The following LMBR1 variants were observed in gnomAD, a reference collection of about 807,000 sequenced individuals.
LMBR1 encodes limb development membrane protein 1, also known as limb region 1 protein homolog.
In LMBR1, 52 loss-of-function variants were observed where a neutral mutation model predicts 73.9. The observed-to-expected ratio is 0.70, with a 90% CI of 0.56 to 0.89. LMBR1 has a LOEUF of 0.89. Among genes scored for constraint, LMBR1 ranks in the 40% least tolerant of loss-of-function variants. The pLI is 0.00. For missense variants in LMBR1, 539 were observed against 579.8 expected, an observed-to-expected ratio of 0.93 and a Z score of 0.72; for synonymous variants, 215 against 209.4, an observed-to-expected ratio of 1.03 and a Z score of -0.23.
chr7:156,739,467 G>C (rs1312829043), intron 9 of LMBR1, among the ~76,000 whole-genome samples: 1 of 152,192 alleles, frequency 6.6e-6, no homozygotes, highest in Non-Finnish European at 1.5e-5. Flanking sequence ...TAGCCAAGCA[G>C]TGTTTACAGT....
intron 15 of LMBR1, among the ~76,000 whole-genome samples, chr7:156,700,013 T>C (rs1428667177): frequency 1.3e-5 from 2 of 152,162 alleles, no homozygotes; most frequent in Non-Finnish European, 2.9e-5. Context: ...GAACTAGAAA[T>C]ACCATTTGAC....
At chr7:156,812,324 A>G (rs1426546732) in intron 4 of LMBR1, among the ~76,000 whole-genome samples, 1 of 152,154 alleles carries the variant, frequency 6.6e-6, no homozygotes. Context: ...ACACAGAGAG[A>G]GAGAGAGAGA....
At chr7:156,800,477 C>A in intron 4 of LMBR1, among the ~76,000 whole-genome samples, 1 of 62,556 alleles carries the variant, frequency 1.6e-5, no homozygotes, top group Non-Finnish European at 2.9e-5. Context: ...TTAAGACTTG[C>A]TACTCAAAAA....
intron 9 of LMBR1, among the ~76,000 whole-genome samples, chr7:156,749,218 G>A (rs897798473): frequency 6.6e-6 from 1 of 152,208 alleles, no homozygotes; most frequent in African/African-American, 2.4e-5. Flanking sequence ...AGAATGCCTA[G>A]AGAAAGCCAA....
At chr7:156,674,671 C>T (rs937101256), downstream of LMBR1, among the ~76,000 whole-genome samples, 5 of 152,060 alleles carry the variant, frequency 3.3e-5, no homozygotes, top group African/African-American at 1.2e-4. Context: ...GAGATGCTGT[C>T]TCCACCAAAC....
In LMBR1 at chr7:156,747,215, G is replaced by A. The variant is rs916810162; in HGVS notation, c.757+9178C>T. Among the ~76,000 whole-genome samples, 3 of 152,016 alleles carry A rather than the reference G, an allele frequency of 2.0e-5. No homozygotes were observed. The East Asian group carries it at 5.8e-4, about 29-fold the overall frequency. ...AACACCTTTCATCTTTCTTACATAGGTAAGAATAACTTCAGAGCCAATAAC... is the reference window on the plus strand; with the variant it reads ...AACACCTTTCATCTTTCTTACATAGATAAGAATAACTTCAGAGCCAATAAC... On this transcript the variant is annotated intron_variant, in intron 9 of 16. Coordinates refer to ENST00000353442, the MANE Select transcript of LMBR1 (RefSeq NM_022458.4).
rs1804816716 is a variant in LMBR1 at position 156,680,391 on chromosome 7, A to AGAGAGC, written c.*3686_*3687insGCTCTC. The AGAGAGC allele has an allele frequency of 7.2e-6, 1 of 139,722 alleles. No individual in the cohort carries two copies. Among genetic ancestry groups the AGAGAGC allele is most frequent in the Non-Finnish European group, 1.5e-5 (1 of 65,254 alleles). The allele number at this position is 139,722 out of a possible 1,614,324, so 8.7% of individuals were successfully genotyped here. Reference sequence around the variant, plus strand: ...ATCTGAGAGACAGAGAGAGAGAGAGAGAGAGAGAGAGAGTGTGTGTGTGTG... The same window carrying AGAGAGC: ...ATCTGAGAGACAGAGAGAGAGAGAGAGAGAGCGAGAGAGAGAGAGTGTGTGTGTGTG... On this transcript the variant is annotated 3_prime_UTR_variant, in exon 17 of 17. Coordinates refer to ENST00000353442, the MANE Select transcript of LMBR1 (RefSeq NM_022458.4).
intron 4 of LMBR1, among the ~76,000 whole-genome samples, chr7:156,803,192 A>G (rs1585893106): frequency 6.6e-6 from 1 of 152,212 alleles, no homozygotes; most frequent in East Asian, 1.9e-4. Flanking sequence ...AGCAAAAGAA[A>G]CCACCATCAG....
chr7:156,835,413 G>A (rs1837435875), intron 2 of LMBR1, among the ~76,000 whole-genome samples: 1 of 151,976 alleles, frequency 6.6e-6, no homozygotes, highest in Non-Finnish European at 1.5e-5. Flanking sequence ...ATCCAGTCTT[G>A]GCCAGGCGCA....
intron 3 of LMBR1, among the ~76,000 whole-genome samples, chr7:156,828,136 C>T (rs1054802330): frequency 1.3e-5 from 2 of 152,182 alleles, no homozygotes; most frequent in Non-Finnish European, 2.9e-5. Context: ...CTCACCATTC[C>T]AGGTCCCACA....
At chr7:156,718,219 G>A (rs1813647138) in intron 15 of LMBR1, among the ~76,000 whole-genome samples, 1 of 151,918 alleles carries the variant, frequency 6.6e-6, no homozygotes, top group South Asian at 2.1e-4. Flanking sequence ...GGGCAATATG[G>A]CATAACCCCG....
chr7:156,805,155 T>C (rs764586246), intron 4 of LMBR1, among the ~76,000 whole-genome samples: 9 of 151,844 alleles, frequency 5.9e-5, no homozygotes, highest in Admixed American at 3.9e-4. Flanking sequence ...TGTATGTATC[T>C]AATCCTGGAC....
At chr7:156,885,351 T>C (rs1174606393) in intron 1 of LMBR1, among the ~76,000 whole-genome samples, 1 of 141,222 alleles carries the variant, frequency 7.1e-6, no homozygotes, top group Non-Finnish European at 1.5e-5. Context: ...AGACTCCGTG[T>C]AAAAGAAAAA....
intron 1 of LMBR1, among the ~76,000 whole-genome samples, chr7:156,846,428 T>A (rs1795489618): frequency 6.6e-6 from 1 of 152,162 alleles, no homozygotes; most frequent in Admixed American, 6.6e-5. Context: ...TACATAAATG[T>A]AAAACACTAT....
chr7:156,740,907 T>C (rs891362251), intron 9 of LMBR1, among the ~76,000 whole-genome samples: 4 of 152,176 alleles, frequency 2.6e-5, no homozygotes, highest in Non-Finnish European at 1.5e-5. Flanking sequence ...AGTAGAAAGA[T>C]TAAATGACGA....
intron 5 of LMBR1, among the ~76,000 whole-genome samples, chr7:156,775,293 GGGA>G (rs1397903802): frequency 6.6e-6 from 1 of 152,118 alleles, no homozygotes; most frequent in Non-Finnish European, 1.5e-5. Flanking sequence ...ACTTGAACCT[GGGA>G]GGAGGAGGTT....
rs574697486 is a variant in LMBR1 at position 156,888,342 on chromosome 7, G to A, written c.66+4586C>T. On this transcript the variant is annotated intron_variant, in intron 1 of 16. Coordinates refer to ENST00000353442, the MANE Select transcript of LMBR1 (RefSeq NM_022458.4). The stretch of plus-strand genomic sequence containing the variant: ...GGAGAATGGCATGAACCGGGGGGGC[G>A]GAGCTTGCAGTGAGCCGAGATTGAG... 3.1e-4 allele frequency among the ~76,000 whole-genome samples: 47 copies of A among 151,112 alleles called. No homozygotes were observed. The South Asian group carries it at 6.1e-3, about 20-fold the overall frequency.
chr7:156,741,435 G>A (rs1192511638), intron 9 of LMBR1, among the ~76,000 whole-genome samples: 3 of 152,094 alleles, frequency 2.0e-5, no homozygotes, highest in Middle Eastern at 3.2e-3. Context: ...GATACGAATA[G>A]ATTGAAAATA....
intron 9 of LMBR1, among the ~76,000 whole-genome samples, chr7:156,735,247 G>C (rs902336592): frequency 6.6e-6 from 1 of 152,124 alleles, no homozygotes; most frequent in African/African-American, 2.4e-5. Context: ...TCTATCAATA[G>C]CTTTGAAAGT....
Sources: allele counts gnomAD v4.1 joint callset (sites outside exome capture counted in the v4.1 genomes callset), GRCh38; gene constraint gnomAD v4.1.1; transcripts MANE v1.5; gene names NCBI Gene and HGNC (gene_info 2026-07-23, HGNC 2026-07-21).